The following MLLT1 variants were observed in gnomAD, a reference collection of about 807,000 sequenced individuals.
MLLT1 encodes the protein MLLT1 super elongation complex subunit.
Under a neutral mutation model 55.1 loss-of-function variants are expected in MLLT1, and 11 were observed. The observed-to-expected ratio is 0.20, with a 90% CI of 0.13 to 0.33. The LOEUF (loss-of-function observed/expected upper bound fraction) is 0.33, where lower values mean the gene tolerates loss of function less well. Ranked by LOEUF, MLLT1 falls within the 10% of genes least tolerant of loss-of-function variation. The pLI is 1.00. For synonymous variants in MLLT1, 323 were observed against 320.1 expected (o/e 1.01, Z -0.10); for missense variants, 536 against 760.6 (o/e 0.70, Z 3.47).
chr19:6,239,186 CA>C (rs1169767882), intron 3 of MLLT1, among the ~76,000 whole-genome samples: 4 of 152,232 alleles, frequency 2.6e-5, no homozygotes, highest in Non-Finnish European at 5.9e-5. Flanking sequence ...CGGTCCACGG[CA>C]TACTGGAATG....
intron 3 of MLLT1, among the ~76,000 whole-genome samples, chr19:6,251,351 G>A (rs1041688340): frequency 3.3e-5 from 5 of 152,108 alleles, no homozygotes; most frequent in African/African-American, 9.7e-5. Context: ...GACATACAAC[G>A]GCTAGCCCCC....
At chr19:6,244,986 G>T (rs946373187) in intron 3 of MLLT1, among the ~76,000 whole-genome samples, 3 of 152,000 alleles carry the variant, frequency 2.0e-5, no homozygotes, top group African/African-American at 7.3e-5. Flanking sequence ...ATACCCGGCT[G>T]GGGGGGAATG....
chr19:6,265,262 A>C (rs542442631), intron 2 of MLLT1, among the ~76,000 whole-genome samples: 1 of 152,220 alleles, frequency 6.6e-6, no homozygotes, highest in South Asian at 2.1e-4. Flanking sequence ...GAGTGTTGTG[A>C]ATTTGGGATT....
intron 6 of MLLT1, among the ~76,000 whole-genome samples, chr19:6,220,359 G>A (rs896795975): frequency 6.6e-6 from 1 of 152,242 alleles, no homozygotes; most frequent in African/African-American, 2.4e-5. Context: ...TCTCACTCCC[G>A]CACAGACCTC....
At position 6,227,578 on chromosome 19, in the gene MLLT1, C is replaced by A. The variant is rs996014047; in HGVS notation, c.421-476G>T. On this transcript the variant is annotated intron_variant, in intron 4 of 11. Transcript: ENST00000252674. This position sits in a 1 kb window ranked among gnomAD's most constrained non-coding sequence, Gnocchi z 5.1. ...GGTCCCACGTGCCCGGAGAATGAGCCGTCCTTGGTGTGCGGTGACTGCAGC... is the reference window on the plus strand; with the variant it reads ...GGTCCCACGTGCCCGGAGAATGAGCAGTCCTTGGTGTGCGGTGACTGCAGC... Among the ~76,000 whole-genome samples, 1 of 152,222 alleles carries A rather than the reference C, an allele frequency of 6.6e-6. No individual in the cohort carries two copies. Among genetic ancestry groups the A allele is most frequent in the Non-Finnish European group, 1.5e-5 (1 of 68,048 alleles).
In MLLT1 at chr19:6,219,322, G is replaced by A. The variant is rs2090873786; in HGVS notation, c.1111-1281C>T. On this transcript the variant is annotated intron_variant, in intron 6 of 11. Coordinates refer to ENST00000252674, the MANE Select transcript of MLLT1 (RefSeq NM_005934.4). This position sits in a 1 kb window ranked among gnomAD's most constrained non-coding sequence, Gnocchi z 4.5. ...TGGCGCTCCCTGATGAATCATCACT[G>A]GGAAAGCCTGCCGTGGTGCCCATCA... 6.6e-6 allele frequency among the ~76,000 whole-genome samples: 1 copy of A among 152,122 alleles called. No individual in the cohort carries two copies. Among genetic ancestry groups the A allele is most frequent in the African/African-American group, 2.4e-5 (1 of 41,420 alleles).
At position 6,222,415 on chromosome 19, in the gene MLLT1, G is replaced by C; in HGVS notation, c.816C>G (p.Pro272=). 3.7e-6 allele frequency: 2 copies of C among 542,632 alleles called. No individual in the cohort carries two copies. The highest frequency in any genetic ancestry group is 6.0e-6 in the Non-Finnish European group (2 of 331,586). The allele number at this position is 542,632 out of a possible 1,614,324, so 33.6% of individuals were successfully genotyped here. Residue 272 remains proline, a synonymous_variant, in exon 6 of 12, where the codon CCC becomes CCG. Transcript: ENST00000252674. The surrounding 1 kb of genome is among the most constrained non-coding windows in gnomAD (Gnocchi z 4.1). ...GGGGTGGGGGTGGGGGTGGGGGTGG[G>C]GGCCCACCCTTGGGGGACGTGCTTT... ...KLESTSPKGG[P]PPPPPPPPRA...
chr19:6,221,595 AC>A (rs2090897102), intron 6 of MLLT1, among the ~76,000 whole-genome samples: 1 of 152,000 alleles, frequency 6.6e-6, no homozygotes, highest in Non-Finnish European at 1.5e-5. Context: ...GATGCTCTTG[AC>A]CCCACCAGCC....
In MLLT1 at chr19:6,267,545, T is replaced by C. The variant is rs115802178; in HGVS notation, c.193+3034A>G. ...AGACCAAATGTGAAGCAAGCTAAAA[T>C]AGGGCCAAATTTTAACCAAAAATGA... On this transcript the variant is annotated intron_variant, in intron 2 of 11. Coordinates refer to ENST00000252674, the MANE Select transcript of MLLT1 (RefSeq NM_005934.4). Among the ~76,000 whole-genome samples the C allele has an allele frequency of 8.0e-3, 1,213 of 151,970 alleles. 19 individuals are homozygous for C. Among genetic ancestry groups the C allele is most frequent in the African/African-American group, 0.027 (1,135 of 41,400 alleles).
At chr19:6,248,486 A>G (rs1407651385) in intron 3 of MLLT1, among the ~76,000 whole-genome samples, 1 of 152,196 alleles carries the variant, frequency 6.6e-6, no homozygotes, top group Non-Finnish European at 1.5e-5. Context: ...TTAACCATGG[A>G]TCATGTTAAT....
At chr19:6,271,575 T>C (rs1277603542) in intron 1 of MLLT1, among the ~76,000 whole-genome samples, 2 of 152,218 alleles carry the variant, frequency 1.3e-5, no homozygotes, top group Non-Finnish European at 2.9e-5. Context: ...GAACACAAAG[T>C]TGCATGCCTT....
At position 6,212,453 on chromosome 19, in the gene MLLT1, T is replaced by C. The variant is rs897695787; in HGVS notation, c.*589A>G. 3 of 1,065,722 alleles carry C rather than the reference T, an allele frequency of 2.8e-6. No individual in the cohort carries two copies. The highest frequency in any genetic ancestry group is 4.5e-5 in the South Asian group (1 of 21,984). 66.0% of individuals were successfully genotyped at this position (1,065,722 alleles called of 1,614,324 possible). On this transcript the variant is annotated 3_prime_UTR_variant, in exon 12 of 12. Coordinates refer to ENST00000252674, the MANE Select transcript of MLLT1 (RefSeq NM_005934.4). ...TGCACTGCTGCCACAGAAACGCACATGGACACTGCTCTTGACCAGACAGTG... is the reference window on the plus strand; with the variant it reads ...TGCACTGCTGCCACAGAAACGCACACGGACACTGCTCTTGACCAGACAGTG...
At chr19:6,254,621 G>T (rs2091243791) in intron 3 of MLLT1, among the ~76,000 whole-genome samples, 1 of 152,218 alleles carries the variant, frequency 6.6e-6, no homozygotes, top group Admixed American at 6.5e-5. Context: ...CTGGAGAACT[G>T]TAATGTCTGG....
At position 6,212,613 on chromosome 19, in the gene MLLT1, G is replaced by A. The variant is rs893043914; in HGVS notation, c.*429C>T. 1.7e-5 allele frequency: 19 copies of A among 1,093,084 alleles called. No individual in the cohort carries two copies. Among genetic ancestry groups the A allele is most frequent in the African/African-American group, 4.9e-5 (3 of 61,278 alleles). The allele number at this position is 1,093,084 out of a possible 1,614,324, so 67.7% of individuals were successfully genotyped here. A position where few individuals can be genotyped will look rare whatever the true frequency, so the allele number is the denominator to read the frequency against. ...GGGCCTTCTGAGGTCCAGGGTGGGC[G>A]GAGGGTGTGTTCTGAACCATTCGGG... On this transcript the variant is annotated 3_prime_UTR_variant, in exon 12 of 12. Coordinates refer to ENST00000252674, the MANE Select transcript of MLLT1 (RefSeq NM_005934.4).
chr19:6,218,771 G>A (rs780893539), intron 6 of MLLT1, among the ~76,000 whole-genome samples: 9 of 152,212 alleles, frequency 5.9e-5, no homozygotes, highest in Non-Finnish European at 1.2e-4. Flanking sequence ...CTGGGTGGAC[G>A]GGAGGCAGGC....
intron 3 of MLLT1, among the ~76,000 whole-genome samples, chr19:6,244,981 C>T (rs954812576): frequency 6.6e-6 from 1 of 152,046 alleles, no homozygotes; most frequent in Non-Finnish European, 1.5e-5. Context: ...CCCTCATACC[C>T]GGCTGGGGGG....
chr19:6,250,288 G>A (rs1230319899), intron 3 of MLLT1, among the ~76,000 whole-genome samples: 1 of 152,222 alleles, frequency 6.6e-6, no homozygotes, highest in Non-Finnish European at 1.5e-5. Context: ...TGAGGATGTA[G>A]AGAAATTGGA....
At chr19:6,216,257 TG>T (rs909303755) in intron 8 of MLLT1, 147 bp downstream of exon 8, 43 of 635,300 alleles carry the variant, frequency 6.8e-5, no homozygotes, top group Admixed American at 3.5e-4. Context: ...CAGGCTGGAC[TG>T]GGGCCACCTG....
At chr19:6,253,862 T>C (rs1283231696) in intron 3 of MLLT1, among the ~76,000 whole-genome samples, 15 of 152,226 alleles carry the variant, frequency 9.9e-5, no homozygotes, top group Admixed American at 9.8e-4. Context: ...ATTTGGTCTC[T>C]GCTCCTAGTC....
Sources: gnomAD v4.1 joint callset for allele counts (sites outside exome capture counted in the v4.1 genomes callset) on GRCh38, gnomAD v4.1.1 for gene constraint, Gnocchi (gnomAD v3.1) non-coding constraint, MANE v1.5 for transcripts, NCBI Gene and HGNC (gene_info 2026-07-23, HGNC 2026-07-21) for gene names.